Variants in FLT4 observed in about 807,000 individuals in gnomAD.
The protein encoded by FLT4 is fms related receptor tyrosine kinase 4.
In FLT4, 30 loss-of-function variants were observed where a neutral mutation model predicts 163.2. That is an observed-to-expected ratio of 0.18 (90% CI 0.14 to 0.25). FLT4 has a LOEUF of 0.25. Among genes scored for constraint, FLT4 ranks in the 10% least tolerant of loss-of-function variants. The pLI, the probability that FLT4 is intolerant of heterozygous loss-of-function variation, is 1.00. For missense variants in FLT4, 1,510 were observed against 1,863.8 expected (o/e 0.81, Z 3.50); for synonymous variants, 884 against 789.5 (o/e 1.12, Z -2.01).
chr5:180,616,391 G>A lies in FLT4; in HGVS notation c.3195C>T (p.Asp1065=). The A allele has an allele frequency of 6.2e-7, 1 of 1,614,010 alleles. No individual in the cohort carries two copies. Among genetic ancestry groups the A allele is most frequent in the Non-Finnish European group, 8.5e-7 (1 of 1,180,000 alleles). Residue 1065 remains aspartate, a synonymous_variant, in exon 23 of 30, where the codon GAC becomes GAT. Transcript: ENST00000261937. ...DFGLARDIYK[D]PDYVRKGSAR... ...CACTGCCCTTGCGGACGTAGTCGGG[G>A]TCTTTGTAGATGTCCCGGGCAAGGC...
At chr5:180,617,064 A>G in intron 21 of FLT4, 70 bp from the exon 22 acceptor site, 6 of 1,128,204 alleles carry the variant, frequency 5.3e-6, no homozygotes, top group Non-Finnish European at 6.7e-6. Flanking sequence ...GCCCCAGGGA[A>G]CAGCTAACAA....
At position 180,630,548 on chromosome 5, in the gene FLT4, G is replaced by A; in HGVS notation, c.400+7C>T. ...CTGCTCCAGCCTGGCCCGCCTCCAA[G>A]TCTCACCTCTCACGAACACGTAGGA... On this transcript the variant is annotated splice_region_variant and intron_variant, in intron 3 of 29. Coordinates refer to ENST00000261937, the MANE Select transcript of FLT4 (RefSeq NM_182925.5). This position sits in a 1 kb window ranked among gnomAD's most constrained non-coding sequence, Gnocchi z 6.3. The A allele has an allele frequency of 1.2e-6, 2 of 1,612,780 alleles. No individual in the cohort carries two copies. The highest frequency in any genetic ancestry group is 1.7e-4 in the Middle Eastern group (1 of 6,060).
intron 23 of FLT4, 43 bp downstream of exon 23, chr5:180,616,324 C>T (rs1343280930): frequency 6.2e-7 from 1 of 1,613,210 alleles, no homozygotes; most frequent in East Asian, 2.2e-5. Flanking sequence ...ACCCCTTCAC[C>T]TGTTCCGCCC....
Position 180,626,206 on chromosome 5 carries a change from T to A in FLT4, c.1163A>T (p.Glu388Val). ...GGTGCCTGTGCTGGCCTCTGTCACC[T>A]CCTTGAGCACCAGGGCATGTGGACT... is the stretch of plus-strand genomic sequence containing the variant. The part of the protein sequence containing the change: ...RHSPHALVLK[E>V]VTEASTGTYT... The change falls in exon 9 of 30, where the codon GAG (glutamate) becomes GTG (valine). Residue 388 changes from glutamate (E) to valine (V), a missense_variant. Physicochemically the swap from Glu to Val is moderately radical, Grantham distance 121. Coordinates refer to ENST00000261937, the MANE Select transcript of FLT4 (RefSeq NM_182925.5). 1 of 1,612,648 alleles carries A rather than the reference T, an allele frequency of 6.2e-7. No individual in the cohort carries two copies. The highest frequency in any genetic ancestry group is 8.5e-7 in the Non-Finnish European group (1 of 1,179,950).
chr5:180,605,550 C>T (rs1761739739), intron 29 of FLT4, among the ~76,000 whole-genome samples: 1 of 152,146 alleles, frequency 6.6e-6, no homozygotes, highest in Admixed American at 6.5e-5. Flanking sequence ...TTAGGATTTC[C>T]TACACCAGAA....
At chr5:180,631,184 A>G (rs1250064940) in intron 2 of FLT4, among the ~76,000 whole-genome samples, 1 of 151,942 alleles carries the variant, frequency 6.6e-6, no homozygotes, top group Non-Finnish European at 1.5e-5. Flanking sequence ...TGAAATGCTG[A>G]TGGGGTGGGC....
rs531394458 is a variant in FLT4, at chr5:180,609,750, G to A, written c.3807+155C>T. On this transcript the variant is annotated intron_variant, in intron 28 of 29. Transcript: ENST00000261937. ...AGCTGTGAGTCGTGGCATCGCAGGAGGGCCCAAATGTGCCCAAGGCTCACC... is the reference window on the plus strand; with the variant it reads ...AGCTGTGAGTCGTGGCATCGCAGGAAGGCCCAAATGTGCCCAAGGCTCACC... The A allele has an allele frequency of 1.0e-5, 9 of 865,060 alleles. No individual in the cohort carries two copies. The East Asian group carries it at 2.0e-4, about 19-fold the overall frequency. The allele number at this position is 865,060 out of a possible 1,614,324, so 53.6% of individuals were successfully genotyped here.
chr5:180,603,108 T>G lies in FLT4; in HGVS notation c.*84A>C. The G allele has an allele frequency of 4.4e-6, 6 of 1,348,670 alleles. No individual in the cohort carries two copies. The highest frequency in any genetic ancestry group is 1.4e-5 in the African/African-American group (1 of 70,160). 83.5% of individuals were successfully genotyped at this position (1,348,670 alleles called of 1,614,324 possible). A position where few individuals can be genotyped will look rare whatever the true frequency, so the allele number is the denominator to read the frequency against. On this transcript the variant is annotated 3_prime_UTR_variant, in exon 30 of 30. Transcript: ENST00000261937. ...CCTGTGCCACCAGAGTTCAACCAGA[T>G]GAGTTCCCAGCCTGGGCCTCCAGCC...
chr5:180,602,924 C>T lies in FLT4; in HGVS notation c.*268G>A. On this transcript the variant is annotated 3_prime_UTR_variant, in exon 30 of 30. Transcript: ENST00000261937. ...GAAGTGCTGGCCCCGGGACCAGCAC[C>T]TGCGGATGCTGAACTAAATGACATC... The T allele has an allele frequency of 1.7e-6, 1 of 592,540 alleles. No homozygotes were observed. Among genetic ancestry groups the T allele is most frequent in the Non-Finnish European group, 3.0e-6 (1 of 332,042 alleles). The allele number at this position is 592,540 out of a possible 1,614,324, so 36.7% of individuals were successfully genotyped here. A position where few individuals can be genotyped will look rare whatever the true frequency, so the allele number is the denominator to read the frequency against.
At chr5:180,634,868 GGGTGGGT>G in intron 1 of FLT4, among the ~76,000 whole-genome samples, 1 of 73,400 alleles carries the variant, frequency 1.4e-5, no homozygotes, top group Admixed American at 1.4e-4. Flanking sequence ...ATGGGTGGAT[GGGTGGGT>G]GGGTGGGTGG....
At chr5:180,605,981 T>C (rs563207404) in intron 29 of FLT4, among the ~76,000 whole-genome samples, 1 of 152,188 alleles carries the variant, frequency 6.6e-6, no homozygotes, top group Non-Finnish European at 1.5e-5. Flanking sequence ...ACTAGGCAGA[T>C]AGATTCCTCC....
chr5:180,620,850 T>C lies in FLT4; in HGVS notation c.2299+26A>G, dbSNP rs766354915. 3 of 1,609,552 alleles carry C rather than the reference T, an allele frequency of 1.9e-6. No homozygotes were observed. The highest frequency in any genetic ancestry group is 1.7e-6 in the Non-Finnish European group (2 of 1,178,902). On this transcript the variant is annotated intron_variant, in intron 15 of 29. Coordinates refer to ENST00000261937, the MANE Select transcript of FLT4 (RefSeq NM_182925.5). The surrounding 1 kb of genome is among the most constrained non-coding windows in gnomAD (Gnocchi z 4.4). ...GCGTTAACTGGGGACGGGAAGGGAG[T>C]TGAGGGGTGCAGCCTGAGGCCAGAC...
Position 180,631,748 on chromosome 5 carries a change from G to T in FLT4, c.89C>A (p.Pro30Gln). 6.2e-7 allele frequency: 1 copy of T among 1,607,606 alleles called. No individual in the cohort carries two copies. ...GLVSGYSMTP[P>Q]TLNITEESHV... ...TGACTCCTCCGTGATGTTCAAGGTC[G>T]GGGGGGTCATGGAGTAGCCACTCAC... The change falls in exon 2 of 30, where the codon CCG becomes CAG. Residue 30 changes from proline to glutamine, a missense_variant. Physicochemically the swap from Pro to Gln is moderately conservative, Grantham distance 76. Around this residue, in one of 5 missense-constraint regions of FLT4, gnomAD observed 157 missense variants for 178.7 expected, o/e 0.88. Transcript: ENST00000261937.
intron 29 of FLT4, 26 bp from the exon 30 acceptor site, chr5:180,603,416 A>G (rs777365050): frequency 3.1e-6 from 5 of 1,609,948 alleles, no homozygotes; most frequent in Non-Finnish European, 4.2e-6. Context: ...AGGTGGTGTT[A>G]GTAAGAGAAG....
Position 180,603,041 on chromosome 5 carries a change from C to T in FLT4, c.*151G>A. Reference sequence around the variant, plus strand: ...CGGGAGCCTTGGGCCTGGAGTCCTGCTCTTCCTAGCTGGGAAGTCTGCAGA... The same window carrying T: ...CGGGAGCCTTGGGCCTGGAGTCCTGTTCTTCCTAGCTGGGAAGTCTGCAGA... On this transcript the variant is annotated 3_prime_UTR_variant, in exon 30 of 30. Coordinates refer to ENST00000261937, the MANE Select transcript of FLT4 (RefSeq NM_182925.5). The T allele has an allele frequency of 1.3e-6, 1 of 781,158 alleles. No individual in the cohort carries two copies. The highest frequency in any genetic ancestry group is 1.7e-5 in the African/African-American group (1 of 58,528). The allele number at this position is 781,158 out of a possible 1,614,324, so 48.4% of individuals were successfully genotyped here. A position where few individuals can be genotyped will look rare whatever the true frequency, so the allele number is the denominator to read the frequency against.
chr5:180,619,998 G>A (rs1029175631), intron 17 of FLT4, among the ~76,000 whole-genome samples, 175 bp downstream of exon 17: 2 of 152,312 alleles, frequency 1.3e-5, no homozygotes, highest in South Asian at 4.1e-4. Flanking sequence ...ACCTCAGGGA[G>A]CCTGGGAACT....
chr5:180,608,391 A>G (rs1761922775), intron 29 of FLT4: 1 of 697,138 alleles, frequency 1.4e-6, no homozygotes, highest in East Asian at 2.7e-5. Flanking sequence ...CATGCAATAA[A>G]TATCAGCGTG....
In FLT4 at chr5:180,636,756, G is replaced by A. The variant is rs1040611728; in HGVS notation, c.59-4978C>T. ...ACCTGTCTTCTACGTCTCTCTCCCT[G>A]CTTCCCCTGTTCTTGATCCACATCC... On this transcript the variant is annotated intron_variant, in intron 1 of 29. Coordinates refer to ENST00000261937, the MANE Select transcript of FLT4 (RefSeq NM_182925.5). This position sits in a 1 kb window ranked among gnomAD's most constrained non-coding sequence, Gnocchi z 4.3. 7.9e-5 allele frequency among the ~76,000 whole-genome samples: 12 copies of A among 151,978 alleles called. No homozygotes were observed. The highest frequency in any genetic ancestry group is 2.9e-4 in the African/African-American group (12 of 41,380).
rs112111293 is a variant in FLT4 at position 180,612,444 on chromosome 5, G to A, written c.3537+62C>T. On this transcript the variant is annotated intron_variant, in intron 26 of 29. Coordinates refer to ENST00000261937, the MANE Select transcript of FLT4 (RefSeq NM_182925.5). Reference sequence around the variant, plus strand: ...CTAGATGGGCTTGGAGGGGCAGCTCGGGCCAGGGACCCAGGGCAGGGGCCA... The same window carrying A: ...CTAGATGGGCTTGGAGGGGCAGCTCAGGCCAGGGACCCAGGGCAGGGGCCA... The A allele has an allele frequency of 6.2e-4, 770 of 1,250,826 alleles. 3 individuals are homozygous for A. The African/African-American group carries it at 9.6e-3, about 16-fold the overall frequency. 77.5% of individuals were successfully genotyped at this position (1,250,826 alleles called of 1,614,324 possible). A position where few individuals can be genotyped will look rare whatever the true frequency, so the allele number is the denominator to read the frequency against.
Sources: gnomAD v4.1 joint callset for allele counts (sites outside exome capture counted in the v4.1 genomes callset) on GRCh38, gnomAD v4.1.1 for gene constraint, gnomAD v4.1.1 regional missense constraint, Gnocchi (gnomAD v3.1) non-coding constraint, MANE v1.5 for transcripts, NCBI Gene and HGNC (gene_info 2026-07-23, HGNC 2026-07-21) for gene names.